NAALADL2: variants seen among roughly 807,000 people sequenced by gnomAD.
NAALADL2 encodes N-acetylated alpha-linked acidic dipeptidase like 2.
NAALADL2 carries 76 observed loss-of-function variants against 87.2 expected under a neutral mutation model. The ratio of observed to expected loss-of-function variants is 0.87; its 90% confidence interval spans 0.72 to 1.05. The LOEUF (loss-of-function observed/expected upper bound fraction) is 1.05, where lower values mean the gene tolerates loss of function less well. Among genes scored for constraint, NAALADL2 ranks in the 50% least tolerant of loss-of-function variants. The probability of loss-of-function intolerance (pLI) is 0.00; values close to 1 mark genes in which losing one functional copy is unlikely to be tolerated. For missense variants in NAALADL2, 1,089 were observed against 945.8 expected (o/e 1.15, Z -1.99); for synonymous variants, 354 against 331.0 (o/e 1.07, Z -0.75).
At chr3:175,566,615 AG>A (rs11359327) in intron 9 of NAALADL2, among the ~76,000 whole-genome samples, 119,868 of 152,000 alleles carry the variant, frequency 0.79, 47,372 homozygotes, top group East Asian at 0.88. Flanking sequence ...GATTTCTCAC[AG>A]TCCTTCAAGA....
At chr3:174,840,336 G>T (rs536073864) in intron 3 of NAALADL2, among the ~76,000 whole-genome samples, 1 of 151,970 alleles carries the variant, frequency 6.6e-6, no homozygotes, top group South Asian at 2.1e-4. Flanking sequence ...TATGAATCCG[G>T]CATATCTAAC....
chr3:175,341,401 C>A (rs1377554736), intron 5 of NAALADL2, among the ~76,000 whole-genome samples: 1 of 152,118 alleles, frequency 6.6e-6, no homozygotes, highest in African/African-American at 2.4e-5. Flanking sequence ...ATCCATTTAT[C>A]AGCTGATGGA....
intron 10 of NAALADL2, among the ~76,000 whole-genome samples, chr3:175,619,640 T>C (rs1044047937): frequency 6.6e-6 from 1 of 152,062 alleles, no homozygotes; most frequent in Non-Finnish European, 1.5e-5. Flanking sequence ...ATTACACTCC[T>C]GATGACTGAG....
intron 5 of NAALADL2, among the ~76,000 whole-genome samples, chr3:175,352,624 G>C (rs1015801170): frequency 8.5e-5 from 13 of 152,120 alleles, no homozygotes; most frequent in Admixed American, 2.0e-4. Flanking sequence ...GAAATACTCA[G>C]ATATTTCAAT....
intron 3 of NAALADL2, among the ~76,000 whole-genome samples, chr3:174,795,764 T>C (rs949642770): frequency 6.6e-6 from 1 of 152,212 alleles, no homozygotes; most frequent in African/African-American, 2.4e-5. Flanking sequence ...TGATTTTGAC[T>C]TGCATTTCCC....
intron 9 of NAALADL2, among the ~76,000 whole-genome samples, chr3:175,509,035 G>C (rs1730761660): frequency 6.6e-6 from 1 of 151,580 alleles, no homozygotes; most frequent in Non-Finnish European, 1.5e-5. Context: ...AGAATCGCTT[G>C]AACCCAGGAG....
intron 1 of NAALADL2, among the ~76,000 whole-genome samples, chr3:174,543,651 TA>T (rs1301451929): frequency 6.6e-6 from 1 of 152,104 alleles, no homozygotes; most frequent in African/African-American, 2.4e-5. Flanking sequence ...TGTATTTTAC[TA>T]AAGTAAAATG....
At chr3:175,386,910 CT>C (rs1390395084) in intron 5 of NAALADL2, among the ~76,000 whole-genome samples, 1 of 152,024 alleles carries the variant, frequency 6.6e-6, no homozygotes, top group African/African-American at 2.4e-5. Context: ...ATAAATGATG[CT>C]GACAATTTGG....
chr3:175,783,242 G>A (rs190943890), intron 13 of NAALADL2, among the ~76,000 whole-genome samples: 4,292 of 152,288 alleles, frequency 0.028, 89 homozygotes, highest in Non-Finnish European at 0.043. Flanking sequence ...ATTCTGTGAA[G>A]AAAGTCATTG....
At chr3:175,629,269 AT>A (rs941543965) in intron 11 of NAALADL2, among the ~76,000 whole-genome samples, 1 of 134,914 alleles carries the variant, frequency 7.4e-6, no homozygotes, top group Non-Finnish European at 1.6e-5. Context: ...ATACTTGGAG[AT>A]TTTATATATA....
intron 9 of NAALADL2, among the ~76,000 whole-genome samples, chr3:175,546,741 G>A (rs1000762926): frequency 1.8e-4 from 28 of 152,086 alleles, no homozygotes; most frequent in African/African-American, 6.8e-4. Flanking sequence ...TCAGCTGTTA[G>A]TCTGATTGGC....
At chr3:174,967,437 C>G (rs779076052) in intron 1 of NAALADL2, among the ~76,000 whole-genome samples, 1 of 151,784 alleles carries the variant, frequency 6.6e-6, no homozygotes, top group Non-Finnish European at 1.5e-5. Flanking sequence ...TATGTACTCT[C>G]ATTTGCAATT....
intron 9 of NAALADL2, among the ~76,000 whole-genome samples, chr3:175,488,579 G>A (rs757111172): frequency 2.0e-5 from 3 of 152,260 alleles, no homozygotes; most frequent in South Asian, 2.1e-4. Flanking sequence ...GAGTAATAAA[G>A]TGTTTTCCCC....
At chr3:174,660,984 T>C (rs1243691108) in intron 2 of NAALADL2, among the ~76,000 whole-genome samples, 1 of 152,146 alleles carries the variant, frequency 6.6e-6, no homozygotes, top group Non-Finnish European at 1.5e-5. Flanking sequence ...ATGTACAAGG[T>C]AAAAAATGGT....
At chr3:175,508,961 C>T (rs1369634630) in intron 9 of NAALADL2, among the ~76,000 whole-genome samples, 3 of 151,694 alleles carry the variant, frequency 2.0e-5, no homozygotes, top group Admixed American at 1.3e-4. Context: ...ACTAAAAATA[C>T]AAAAATTAGC....
At chr3:175,329,746 A>G (rs1761176997) in intron 5 of NAALADL2, among the ~76,000 whole-genome samples, 1 of 152,168 alleles carries the variant, frequency 6.6e-6, no homozygotes, top group Admixed American at 6.5e-5. Flanking sequence ...TCTTAGAACC[A>G]CTTATGGTGT....
intron 2 of NAALADL2, among the ~76,000 whole-genome samples, chr3:175,177,245 T>C (rs941930962): frequency 5.3e-5 from 8 of 152,090 alleles, no homozygotes; most frequent in African/African-American, 1.4e-4. Context: ...CCCATCATCA[T>C]ACACTTCGTT....
intron 1 of NAALADL2, among the ~76,000 whole-genome samples, chr3:174,448,992 A>G (rs1353224695): frequency 6.6e-6 from 1 of 152,228 alleles, no homozygotes; most frequent in Non-Finnish European, 1.5e-5. Flanking sequence ...AAGAAACCAT[A>G]AACATCAGTT....
At position 174,917,876 on chromosome 3, in the gene NAALADL2, C is replaced by T. The variant is rs532645105; in HGVS notation, c.43+58426C>T. On this transcript the variant is annotated intron_variant, in intron 1 of 13. Coordinates refer to ENST00000454872, the MANE Select transcript of NAALADL2 (RefSeq NM_207015.3). ...ATTTTCATCACAATTTTCTAATTTTCGTCATAATTTTCTAAGCTTGACTGA... is the reference window on the plus strand; with the variant it reads ...ATTTTCATCACAATTTTCTAATTTTTGTCATAATTTTCTAAGCTTGACTGA... Among the ~76,000 whole-genome samples the T allele has an allele frequency of 5.9e-5, 9 of 151,810 alleles. No homozygotes were observed. The South Asian group carries it at 6.3e-4, about 11-fold the overall frequency.
Sources: allele counts gnomAD v4.1 joint callset (sites outside exome capture counted in the v4.1 genomes callset), GRCh38; gene constraint gnomAD v4.1.1; transcripts MANE v1.5; gene names NCBI Gene and HGNC (gene_info 2026-07-23, HGNC 2026-07-21).